The following CEP128 variants were observed in gnomAD, a reference collection of about 807,000 sequenced individuals.
CEP128 encodes the protein centrosomal protein 128kDa.
A neutral mutation model predicts 156.7 loss-of-function variants in CEP128; 132 were observed. The ratio of observed to expected loss-of-function variants is 0.84; its 90% CI spans 0.73 to 0.97. CEP128 has a LOEUF of 0.97. Ranked by LOEUF, CEP128 falls within the 50% of genes least tolerant of loss-of-function variation. The probability of loss-of-function intolerance (pLI) is 0.00; values close to 1 mark genes in which losing one functional copy is unlikely to be tolerated. For synonymous variants in CEP128, 469 were observed against 448.9 expected (o/e 1.04, Z -0.57); for missense variants, 1,252 against 1,281.9 (o/e 0.98, Z 0.36).
chr14:80,959,053 T>A (rs1886871826), intron 1 of CEP128, among the ~76,000 whole-genome samples: 1 of 152,184 alleles, frequency 6.6e-6, no homozygotes, highest in Non-Finnish European at 1.5e-5. Flanking sequence ...GGTAAACAGC[T>A]CTCTTGCCCT....
At chr14:80,701,431 T>C (rs1485978351) in intron 19 of CEP128, among the ~76,000 whole-genome samples, 1 of 152,084 alleles carries the variant, frequency 6.6e-6, no homozygotes, top group Non-Finnish European at 1.5e-5. Flanking sequence ...TGTCACTTTA[T>C]AGTGGCTGCA....
At chr14:80,527,796 C>T (rs1343243952) in intron 22 of CEP128, among the ~76,000 whole-genome samples, 2 of 152,130 alleles carry the variant, frequency 1.3e-5, no homozygotes, top group African/African-American at 2.4e-5. Flanking sequence ...TGGAGGATAG[C>T]TCCTTTGCTT....
intron 2 of CEP128, among the ~76,000 whole-genome samples, chr14:80,918,726 T>C (rs185904193): frequency 3.1e-4 from 47 of 152,250 alleles, no homozygotes; most frequent in African/African-American, 1.1e-3. Context: ...GTGTATAATC[T>C]TCTCAACTCC....
At chr14:80,693,660 T>C (rs1188737423) in intron 19 of CEP128, among the ~76,000 whole-genome samples, 2 of 152,154 alleles carry the variant, frequency 1.3e-5, no homozygotes, top group African/African-American at 4.8e-5. Context: ...CTAAGTTATC[T>C]AAAAATAAAA....
intron 13 of CEP128, among the ~76,000 whole-genome samples, chr14:80,800,065 T>C (rs1339302405): frequency 6.6e-6 from 1 of 152,128 alleles, no homozygotes; most frequent in Non-Finnish European, 1.5e-5. Flanking sequence ...CCCCCTCCCC[T>C]TTTGAAACCC....
intron 19 of CEP128, among the ~76,000 whole-genome samples, chr14:80,636,917 T>C (rs1343261933): frequency 2.0e-5 from 3 of 151,866 alleles, no homozygotes; most frequent in Admixed American, 2.0e-4. Flanking sequence ...AGAAACCCTG[T>C]CTCTACTAAA....
intron 4 of CEP128, among the ~76,000 whole-genome samples, chr14:80,908,035 A>G (rs1250253669): frequency 6.6e-6 from 1 of 152,150 alleles, no homozygotes; most frequent in Non-Finnish European, 1.5e-5. Flanking sequence ...TCCTTTTGAA[A>G]GCAGAGTCAG....
At chr14:80,514,791 T>C (rs1005317591) in intron 23 of CEP128, 16 of 232,316 alleles carry the variant, frequency 6.9e-5, no homozygotes, top group Admixed American at 5.7e-4. Flanking sequence ...TATTTGTCGA[T>C]GTCTGAGCCC....
intron 8 of CEP128, among the ~76,000 whole-genome samples, chr14:80,880,986 C>A (rs1595539988): frequency 7.1e-6 from 1 of 141,690 alleles, no homozygotes; most frequent in African/African-American, 2.6e-5. Context: ...AAAAAGAAAT[C>A]AGGAAAACAG....
intron 19 of CEP128, among the ~76,000 whole-genome samples, chr14:80,614,443 A>G (rs902910811): frequency 6.6e-6 from 1 of 152,128 alleles, no homozygotes; most frequent in African/African-American, 2.4e-5. Flanking sequence ...ATTTCTTCTC[A>G]GTGTCGTTTG....
intron 9 of CEP128, among the ~76,000 whole-genome samples, chr14:80,846,691 T>C (rs1343832483): frequency 6.6e-6 from 1 of 152,212 alleles, no homozygotes; most frequent in Non-Finnish European, 1.5e-5. Context: ...TAGCCTTTAG[T>C]ATTATTTTCT....
Position 80,919,274 on chromosome 14 carries a change from T to C in CEP128, c.-15-2712A>G, listed in dbSNP as rs1184727878. ...CAGACACTTCTAATACGTAGACAAT[T>C]TGAGTTTCAACATGACTAAAAATAA... is the stretch of plus-strand genomic sequence containing the variant. On this transcript the variant is annotated intron_variant, in intron 2 of 24. Transcript: ENST00000555265. Among the ~76,000 whole-genome samples the C allele has an allele frequency of 3.9e-5, 6 of 152,152 alleles. 1 individual carries two copies. Among genetic ancestry groups the C allele is most frequent in the Admixed American group, 3.9e-4 (6 of 15,270 alleles).
In CEP128 at chr14:80,817,378, A is replaced by G. The variant is rs571060887; in HGVS notation, c.1209+13765T>C. Among the ~76,000 whole-genome samples, 20 of 152,332 alleles carry G rather than the reference A, an allele frequency of 1.3e-4. 1 individual carries two copies. The South Asian group carries it at 4.1e-3, about 32-fold the overall frequency. ...TTATACAAATGAAAAAGAGGATACA[A>G]TATAAAACAGCCTTTGAATGGGCCT... On this transcript the variant is annotated intron_variant, in intron 13 of 24. Coordinates refer to ENST00000555265, the MANE Select transcript of CEP128 (RefSeq NM_152446.5).
At chr14:80,705,675 G>A (rs1260978431) in intron 19 of CEP128, among the ~76,000 whole-genome samples, 1 of 152,114 alleles carries the variant, frequency 6.6e-6, no homozygotes, top group African/African-American at 2.4e-5. Context: ...AAAAGGCAAT[G>A]AGATTTTGCA....
intron 21 of CEP128, among the ~76,000 whole-genome samples, chr14:80,558,219 T>C (rs1036681101): frequency 6.6e-6 from 1 of 152,176 alleles, no homozygotes; most frequent in Non-Finnish European, 1.5e-5. Context: ...AGCCTTTGTA[T>C]AACCACTGTG....
downstream of CEP128, among the ~76,000 whole-genome samples, chr14:80,487,789 C>T (rs1326710463): frequency 1.3e-5 from 2 of 152,000 alleles, no homozygotes; most frequent in Admixed American, 6.6e-5. Flanking sequence ...GGGTATATAA[C>T]GAAATGAAGG....
At chr14:80,643,575 C>T (rs879690793) in intron 19 of CEP128, among the ~76,000 whole-genome samples, 3 of 151,878 alleles carry the variant, frequency 2.0e-5, no homozygotes, top group Admixed American at 6.6e-5. Context: ...TCGGGTGCAG[C>T]GGCGAGCACC....
intron 13 of CEP128, among the ~76,000 whole-genome samples, chr14:80,816,782 G>A (rs1208254197): frequency 1.3e-5 from 2 of 152,138 alleles, no homozygotes; most frequent in African/African-American, 4.8e-5. Flanking sequence ...AATTTTGTAA[G>A]ACTGGTAGCA....
intron 6 of CEP128, among the ~76,000 whole-genome samples, chr14:80,903,620 C>T (rs1883705512): frequency 2.0e-5 from 3 of 149,014 alleles, no homozygotes; most frequent in South Asian, 2.1e-4. Context: ...CGTTAATATC[C>T]AAAATATATA....
Sources: allele counts gnomAD v4.1 joint callset (sites outside exome capture counted in the v4.1 genomes callset), GRCh38; gene constraint gnomAD v4.1.1; transcripts MANE v1.5; gene names NCBI Gene and HGNC (gene_info 2026-07-23, HGNC 2026-07-21).